Variants in NUP188 observed in about 807,000 individuals in gnomAD.
NUP188 encodes the protein nucleoporin 188, also known as nucleoporin NUP188.
In NUP188, 97 loss-of-function variants were observed where a neutral mutation model predicts 223.0. The observed-to-expected ratio is 0.43, with a 90% CI of 0.37 to 0.51. NUP188 has a LOEUF of 0.51. Among genes scored for constraint, NUP188 ranks in the 20% least tolerant of loss-of-function variants. The pLI, the probability that NUP188 is intolerant of heterozygous loss-of-function variation, is 0.00. For missense variants in NUP188, 1,947 were observed against 2,175.6 expected (o/e 0.89, Z 2.09); for synonymous variants, 869 against 828.0 (o/e 1.05, Z -0.85).
At position 128,995,298 on chromosome 9, in the gene NUP188, G is replaced by T. The variant is rs763290324; in HGVS notation, c.3156-21G>T. 30 of 1,596,378 alleles carry T rather than the reference G, an allele frequency of 1.9e-5. No individual in the cohort carries two copies. In the East Asian group the frequency reaches 2.2e-4, roughly 12 times the overall value. ...CATCTGCTTTCAAAATCTAACTGGA[G>T]GTTTTTTCTTGACACTGTAGGGGTT... On this transcript the variant is annotated intron_variant, in intron 29 of 43. Coordinates refer to ENST00000372577, the MANE Select transcript of NUP188 (RefSeq NM_015354.3).
At position 128,995,459 on chromosome 9, in the gene NUP188, A is replaced by G; in HGVS notation, c.3296A>G (p.Glu1099Gly). Reference sequence around the variant, plus strand: ...GGCAGCAGCTGCACCTCCTTGTTAGAGTACCAGATGCTGGTGTCCGCCTGG... The same window carrying G: ...GGCAGCAGCTGCACCTCCTTGTTAGGGTACCAGATGCTGGTGTCCGCCTGG... ...TEGSSCTSLL[E>G]YQMLVSAWRM... Residue 1099 changes from glutamate (E) to glycine (G), a missense_variant, in exon 30 of 44, where the codon GAG becomes GGG. Around this residue, in one of 3 missense-constraint regions of NUP188, gnomAD observed 905 missense variants for 990.6 expected, o/e 0.91. Coordinates refer to ENST00000372577, the MANE Select transcript of NUP188 (RefSeq NM_015354.3). 6.2e-7 allele frequency: 1 copy of G among 1,613,004 alleles called. No homozygotes were observed. Among genetic ancestry groups the G allele is most frequent in the Non-Finnish European group, 8.5e-7 (1 of 1,179,490 alleles).
intron 1 of NUP188, chr9:128,948,265 T>G (rs1438196949): frequency 1.3e-5 from 2 of 153,322 alleles, no homozygotes; most frequent in African/African-American, 4.8e-5. Flanking sequence ...GCGGCTTCTG[T>G]CCTCTCCGCG....
At position 128,999,322 on chromosome 9, in the gene NUP188, G is replaced by A. The variant is rs1355661545; in HGVS notation, c.3661+5G>A. On this transcript the variant is annotated splice_donor_5th_base_variant and intron_variant, in intron 33 of 43. Coordinates refer to ENST00000372577, the MANE Select transcript of NUP188 (RefSeq NM_015354.3). ...TGCAAATGAAGGAGATGAAAGGTGA[G>A]GGGCAGAGGCAGGGGGAGCAGCAGC... 1 of 1,613,238 alleles carries A rather than the reference G, an allele frequency of 6.2e-7. No individual in the cohort carries two copies. Among genetic ancestry groups the A allele is most frequent in the Non-Finnish European group, 8.5e-7 (1 of 1,179,390 alleles).
chr9:128,949,308 A>G, intron 2 of NUP188, 65 bp downstream of exon 2: 4 of 1,172,044 alleles, frequency 3.4e-6, no homozygotes, highest in Non-Finnish European at 5.0e-6. Flanking sequence ...ACCAAAAAAA[A>G]CCTTTTTTTA....
intron 29 of NUP188, 179 bp from the exon 30 acceptor site, chr9:128,995,140 A>AT (rs1304129774): frequency 7.9e-6 from 5 of 635,742 alleles, no homozygotes; most frequent in Non-Finnish European, 1.4e-5. Context: ...TGCAACTGGG[A>AT]TTTTATGGAG....
At chr9:129,000,553 C>T (rs1161778569) in intron 34 of NUP188, among the ~76,000 whole-genome samples, 7 of 150,892 alleles carry the variant, frequency 4.6e-5, no homozygotes, top group South Asian at 4.2e-4. Flanking sequence ...CTCCTGACCT[C>T]GTAATCCGCC....
chr9:128,952,886 A>T (rs1185720191), intron 3 of NUP188, 40 bp downstream of exon 3: 1 of 1,497,178 alleles, frequency 6.7e-7, no homozygotes, highest in East Asian at 2.3e-5. Flanking sequence ...TAATTGTCCT[A>T]AGGAAGCTGA....
intron 1 of NUP188, 47 bp downstream of exon 1, chr9:128,947,798 C>A (rs1028213151): frequency 7.4e-7 from 1 of 1,348,922 alleles, no homozygotes; most frequent in Non-Finnish European, 9.6e-7. Flanking sequence ...AGCGCGGTGT[C>A]AAAGCCGAGC....
chr9:128,949,156 G>T, intron 1 of NUP188, 33 bp from the exon 2 acceptor site: 1 of 1,571,204 alleles, frequency 6.4e-7, no homozygotes, highest in South Asian at 1.1e-5. Flanking sequence ...TGATCAGAAA[G>T]AGCAAAATTA....
At position 128,979,323 on chromosome 9, in the gene NUP188, G is replaced by C; in HGVS notation, c.1265G>C (p.Gly422Ala). 2 of 1,609,034 alleles carry C rather than the reference G, an allele frequency of 1.2e-6. No individual in the cohort carries two copies. Among genetic ancestry groups the C allele is most frequent in the Non-Finnish European group, 1.7e-6 (2 of 1,175,890 alleles). Reference protein sequence around the residue: ...ADPSLPELFWGTEPTSGLGII... With the variant: ...ADPSLPELFWATEPTSGLGII... Reference sequence around the variant, plus strand: ...CCTTCTCTTCCGGAACTGTTCTGGGGAACAGTAAGTATGTCAGAGAGAGTC... The same window carrying C: ...CCTTCTCTTCCGGAACTGTTCTGGGCAACAGTAAGTATGTCAGAGAGAGTC... Residue 422 changes from glycine (G) to alanine (A), a missense_variant, in exon 13 of 44, where the codon GGA (glycine) becomes GCA (alanine). Gly to Ala is a moderately conservative substitution (Grantham distance 60). Coordinates refer to ENST00000372577, the MANE Select transcript of NUP188 (RefSeq NM_015354.3).
Position 129,005,233 on chromosome 9 carries a change from A to G in NUP188, c.4509+12A>G, listed in dbSNP as rs1842761669. On this transcript the variant is annotated intron_variant, in intron 39 of 43. Coordinates refer to ENST00000372577, the MANE Select transcript of NUP188 (RefSeq NM_015354.3). Reference sequence around the variant, plus strand: ...AGCATTACTTACAGGTAAGCGTCCTATGCCATGAGGTCCTGGAATACCTCA... The same window carrying G: ...AGCATTACTTACAGGTAAGCGTCCTGTGCCATGAGGTCCTGGAATACCTCA... 4 of 1,613,626 alleles carry G rather than the reference A, an allele frequency of 2.5e-6. No individual in the cohort carries two copies. Among genetic ancestry groups the G allele is most frequent in the South Asian group, 1.1e-5 (1 of 91,078 alleles).
intron 20 of NUP188, 28 bp from the exon 21 acceptor site, chr9:128,986,530 G>A (rs764195895): frequency 1.2e-6 from 2 of 1,605,086 alleles, no homozygotes; most frequent in East Asian, 4.5e-5. Flanking sequence ...TAAATGTGCG[G>A]AAGTCCTCAC....
At chr9:128,995,214 T>C in intron 29 of NUP188, 105 bp from the exon 30 acceptor site, 1 of 883,180 alleles carries the variant, frequency 1.1e-6, no homozygotes, top group Non-Finnish European at 1.8e-6. Flanking sequence ...CCGTCTGCCT[T>C]TAAGCCCATG....
chr9:129,006,826 C>G lies in NUP188; in HGVS notation c.*148C>G, dbSNP rs1036974227. 1.5e-5 allele frequency: 11 copies of G among 737,352 alleles called. No homozygotes were observed. Among genetic ancestry groups the G allele is most frequent in the Non-Finnish European group, 2.1e-5 (10 of 473,162 alleles). The allele number at this position is 737,352 out of a possible 1,614,324, so 45.7% of individuals were successfully genotyped here. A position where few individuals can be genotyped will look rare whatever the true frequency, so the allele number is the denominator to read the frequency against. ...AGTAGCCACGACTCCAGCCACCACCCACTGACGTTATTTTTATACTAGATG... is the reference window on the plus strand; with the variant it reads ...AGTAGCCACGACTCCAGCCACCACCGACTGACGTTATTTTTATACTAGATG... On this transcript the variant is annotated 3_prime_UTR_variant, in exon 44 of 44. Transcript: ENST00000372577.
At chr9:128,977,321 A>G (rs912088250) in intron 12 of NUP188, among the ~76,000 whole-genome samples, 2 of 151,638 alleles carry the variant, frequency 1.3e-5, no homozygotes, top group Admixed American at 6.6e-5. Context: ...GGGTTTCACC[A>G]TGGTAGCCAG....
chr9:128,950,938 C>A (rs1841774237), intron 2 of NUP188, among the ~76,000 whole-genome samples: 1 of 152,154 alleles, frequency 6.6e-6, no homozygotes, highest in Non-Finnish European at 1.5e-5. Flanking sequence ...TTCATTGATT[C>A]CTTTTATGAA....
intron 20 of NUP188, among the ~76,000 whole-genome samples, chr9:128,986,104 G>A (rs181728799): frequency 6.6e-6 from 1 of 152,094 alleles, no homozygotes; most frequent in South Asian, 2.1e-4. Flanking sequence ...TAACTAAAGA[G>A]TCCCCATTTT....
rs1842700419 is a variant in NUP188, at chr9:129,002,973, C to A, written c.4294C>A (p.Gln1432Lys). The change falls in exon 37 of 44, where the codon CAG becomes AAG. Residue 1432 changes from glutamine (Q) to lysine (K), a missense_variant and splice_region_variant. Gln to Lys is a moderately conservative substitution (Grantham distance 53). This residue lies in a region of NUP188 where 905 missense variants were observed against 990.6 expected (regional missense o/e 0.91). Transcript: ENST00000372577. Reference sequence around the variant, plus strand: ...GGGTGTCCACCAGGAGCGGACCTTACAGGTGAGGGGCTGCCTGCATTGCAG... The same window carrying A: ...GGGTGTCCACCAGGAGCGGACCTTAAAGGTGAGGGGCTGCCTGCATTGCAG... Reference protein sequence around the residue: ...FVGVHQERTLQCLNAVRTVQS... With the variant: ...FVGVHQERTLKCLNAVRTVQS... The A allele has an allele frequency of 1.2e-6, 2 of 1,613,868 alleles. No homozygotes were observed. Among genetic ancestry groups the A allele is most frequent in the African/African-American group, 2.7e-5 (2 of 75,036 alleles).
intron 40 of NUP188, 46 bp downstream of exon 40, chr9:129,005,576 C>T (rs1487866781): frequency 6.2e-7 from 1 of 1,611,370 alleles, no homozygotes; most frequent in Non-Finnish European, 8.5e-7. Context: ...AAAGGCTCTG[C>T]TCTGCTGTGT....
Sources: allele counts gnomAD v4.1 joint callset (sites outside exome capture counted in the v4.1 genomes callset), GRCh38; gene constraint gnomAD v4.1.1; regional missense constraint gnomAD v4.1.1; transcripts MANE v1.5; gene names NCBI Gene and HGNC (gene_info 2026-07-23, HGNC 2026-07-21).